Variants in UBASH3B observed in about 807,000 individuals in gnomAD.
The protein encoded by UBASH3B is ubiquitin associated and SH3 domain containing B.
Under a neutral mutation model 83.4 loss-of-function variants are expected in UBASH3B, and 37 were observed. That is an observed-to-expected ratio of 0.44 (90% CI 0.34 to 0.58). The LOEUF (loss-of-function observed/expected upper bound fraction) is 0.58. Ranked by LOEUF, UBASH3B falls within the 20% of genes least tolerant of loss-of-function variation. The probability of loss-of-function intolerance (pLI) is 0.01; values close to 1 mark genes in which losing one functional copy is unlikely to be tolerated. For missense variants in UBASH3B, 657 were observed against 827.2 expected (o/e 0.79, Z 2.52); for synonymous variants, 304 against 318.3 (o/e 0.96, Z 0.48).
chr11:122,802,654 GT>G (rs1231118061), intron 11 of UBASH3B, among the ~76,000 whole-genome samples: 1 of 152,048 alleles, frequency 6.6e-6, no homozygotes, highest in East Asian at 1.9e-4. Context: ...CCATTAACTA[GT>G]TATGTGCTGC....
At chr11:122,706,776 G>T (rs577990290) in intron 1 of UBASH3B, among the ~76,000 whole-genome samples, 5 of 152,336 alleles carry the variant, frequency 3.3e-5, no homozygotes, top group African/African-American at 4.8e-5. Flanking sequence ...ATAAGATGGA[G>T]AATTTCAGCT....
chr11:122,719,474 GTCC>G (rs1222071734), intron 1 of UBASH3B, among the ~76,000 whole-genome samples: 7 of 151,542 alleles, frequency 4.6e-5, no homozygotes, highest in Non-Finnish European at 8.8e-5. Flanking sequence ...TTTCCCCTTC[GTCC>G]TCCTTAAAAT....
intron 3 of UBASH3B, 39 bp from the exon 4 acceptor site, chr11:122,779,458 C>A: frequency 1.2e-6 from 2 of 1,610,032 alleles, no homozygotes; most frequent in Non-Finnish European, 1.7e-6. Flanking sequence ...TTCCATCTCC[C>A]CTTGTCTCTG....
chr11:122,745,693 C>T (rs1488549920), intron 1 of UBASH3B, among the ~76,000 whole-genome samples: 1 of 152,202 alleles, frequency 6.6e-6, no homozygotes, highest in African/African-American at 2.4e-5. Flanking sequence ...CTTCATCTCC[C>T]CTGCCATGCC....
chr11:122,656,757 G>A (rs1015708661), intron 1 of UBASH3B, among the ~76,000 whole-genome samples: 1 of 152,244 alleles, frequency 6.6e-6, no homozygotes, highest in Non-Finnish European at 1.5e-5. Context: ...GAGCGGGAGC[G>A]TGGGTGTTCC....
At chr11:122,770,428 AC>A (rs1369273104) in intron 1 of UBASH3B, among the ~76,000 whole-genome samples, 3 of 150,624 alleles carry the variant, frequency 2.0e-5, no homozygotes, top group African/African-American at 7.3e-5. Context: ...GTCTGGGATA[AC>A]CTATCCCTCT....
rs969735093 is a variant in UBASH3B at position 122,801,422 on chromosome 11, G to A, written c.1595+90G>A. ...CCAGGTTCAGGAAGGAGCCAGGGCT[G>A]GACATCACCTACAGGCAGTTGTCCA... On this transcript the variant is annotated intron_variant, in intron 11 of 13. Transcript: ENST00000284273. The A allele has an allele frequency of 2.7e-6, 4 of 1,456,636 alleles. No homozygotes were observed. In the African/African-American group the frequency reaches 4.2e-5, roughly 15 times the overall value. 90.2% of individuals were successfully genotyped at this position (1,456,636 alleles called of 1,614,324 possible). A position where few individuals can be genotyped will look rare whatever the true frequency, so the allele number is the denominator to read the frequency against.
In UBASH3B at chr11:122,803,181, G is replaced by A. The variant is rs535104330; in HGVS notation, c.1595+1849G>A. ...CATTTTCTGTTTGGCGAGGGAGTTGGGGTAGGAGATGAAGCCTCTAATTTG... is the reference window on the plus strand; with the variant it reads ...CATTTTCTGTTTGGCGAGGGAGTTGAGGTAGGAGATGAAGCCTCTAATTTG... On this transcript the variant is annotated intron_variant, in intron 11 of 13. Coordinates refer to ENST00000284273, the MANE Select transcript of UBASH3B (RefSeq NM_032873.5). 9.2e-5 allele frequency among the ~76,000 whole-genome samples: 14 copies of A among 152,288 alleles called. No individual in the cohort carries two copies. The South Asian group carries it at 2.9e-3, about 32-fold the overall frequency.
At chr11:122,710,762 C>A (rs1012054173) in intron 1 of UBASH3B, among the ~76,000 whole-genome samples, 1 of 151,832 alleles carries the variant, frequency 6.6e-6, no homozygotes, top group African/African-American at 2.4e-5. Flanking sequence ...GCAATGGGAA[C>A]ACAGAAAGCC....
chr11:122,687,915 A>T (rs1181331722), intron 1 of UBASH3B, among the ~76,000 whole-genome samples: 2 of 152,170 alleles, frequency 1.3e-5, no homozygotes, highest in African/African-American at 4.8e-5. Flanking sequence ...TAATGATATC[A>T]TAATAGTTGA....
chr11:122,808,976 G>GA (rs5795348), intron 13 of UBASH3B, among the ~76,000 whole-genome samples: 112,609 of 148,498 alleles, frequency 0.76, 43,068 homozygotes, highest in Non-Finnish European at 0.82. Context: ...CTCGTAAGGA[G>GA]AAAAAAAAAA....
intron 1 of UBASH3B, among the ~76,000 whole-genome samples, chr11:122,713,008 C>T (rs1374035278): frequency 2.0e-5 from 3 of 146,680 alleles, no homozygotes; most frequent in African/African-American, 7.5e-5. Flanking sequence ...CCTGGGTTCA[C>T]GCCATTCTCC....
chr11:122,678,395 G>C (rs193179697), intron 1 of UBASH3B, among the ~76,000 whole-genome samples: 1 of 152,282 alleles, frequency 6.6e-6, no homozygotes, highest in Admixed American at 6.5e-5. Context: ...GCCTAGATCT[G>C]TCTGGCTGAC....
Position 122,662,972 on chromosome 11 carries a change from C to CTTTTTTTT in UBASH3B, c.161+6777_161+6784dup, listed in dbSNP as rs568564848. ...AAAATTCCCTCTTACGCGCTAATGT[C>CTTTTTTTT]TTTTTTTTTTTTTTTTTTTTTTGAG... On this transcript the variant is annotated intron_variant, in intron 1 of 13. Transcript: ENST00000284273. Among the ~76,000 whole-genome samples, 300 of 110,570 alleles carry CTTTTTTTT rather than the reference C, an allele frequency of 2.7e-3. 15 individuals carry two copies. The highest frequency in any genetic ancestry group is 9.4e-3 in the African/African-American group (255 of 27,252). 72.5% of individuals were successfully genotyped at this position (110,570 alleles called of 152,430 possible). A position where few individuals can be genotyped will look rare whatever the true frequency, so the allele number is the denominator to read the frequency against.
chr11:122,677,086 T>C (rs1002421243), intron 1 of UBASH3B, among the ~76,000 whole-genome samples: 1 of 152,222 alleles, frequency 6.6e-6, no homozygotes, highest in Non-Finnish European at 1.5e-5. Flanking sequence ...GGGGAAAAAT[T>C]GCATGTGTAC....
chr11:122,751,035 G>T (rs1228293929), intron 1 of UBASH3B, among the ~76,000 whole-genome samples: 1 of 152,182 alleles, frequency 6.6e-6, no homozygotes, highest in Non-Finnish European at 1.5e-5. Flanking sequence ...TGACAAGACG[G>T]ATGTGTACCT....
chr11:122,685,180 A>G (rs1863793912), intron 1 of UBASH3B, among the ~76,000 whole-genome samples: 1 of 152,176 alleles, frequency 6.6e-6, no homozygotes, highest in Non-Finnish European at 1.5e-5. Flanking sequence ...GTGAAAGTCC[A>G]TTGTACCTTC....
At position 122,790,264 on chromosome 11, in the gene UBASH3B, A is replaced by G. The variant is rs78247514; in HGVS notation, c.980+956A>G. On this transcript the variant is annotated intron_variant, in intron 6 of 13. Coordinates refer to ENST00000284273, the MANE Select transcript of UBASH3B (RefSeq NM_032873.5). ...TAAAGGTCCCCTACCCTAGTGAGCC[A>G]CAAACAGACAAACCACAAATCCAAA... Among the ~76,000 whole-genome samples, 270 of 152,282 alleles carry G rather than the reference A, an allele frequency of 1.8e-3. 1 individual carries two copies. The highest frequency in any genetic ancestry group is 6.1e-3 in the African/African-American group (255 of 41,578).
intron 1 of UBASH3B, among the ~76,000 whole-genome samples, chr11:122,692,120 T>C (rs906794348): frequency 6.6e-6 from 1 of 152,140 alleles, no homozygotes; most frequent in African/African-American, 2.4e-5. Flanking sequence ...CACTTGGAAA[T>C]TGGCATCAAT....
Sources: gnomAD v4.1 joint callset for allele counts (sites outside exome capture counted in the v4.1 genomes callset) on GRCh38, gnomAD v4.1.1 for gene constraint, MANE v1.5 for transcripts, NCBI Gene and HGNC (gene_info 2026-07-23, HGNC 2026-07-21) for gene names.